Variants in INTU observed in about 807,000 individuals in gnomAD.
INTU encodes the protein inturned planar cell polarity protein.
Under a neutral mutation model 100.5 loss-of-function variants are expected in INTU, and 68 were observed. The ratio of observed to expected loss-of-function variants is 0.68; its 90% CI spans 0.56 to 0.83. INTU has a LOEUF of 0.83. INTU is among the 40% of genes least tolerant of loss of function. The pLI, the probability that INTU is intolerant of heterozygous loss-of-function variation, is 0.00. For synonymous variants in INTU, 357 were observed against 395.7 expected (o/e 0.90, Z 1.16); for missense variants, 1,071 against 1,114.7 (o/e 0.96, Z 0.56).
chr4:127,695,420 A>AT (rs571264857), intron 8 of INTU, among the ~76,000 whole-genome samples: 191 of 152,260 alleles, frequency 1.3e-3, no homozygotes, highest in African/African-American at 4.4e-3. Context: ...AGCCTGGCCA[A>AT]CATTGTGAAA....
At chr4:127,668,244 A>C (rs1428476911) in intron 4 of INTU, among the ~76,000 whole-genome samples, 1 of 152,020 alleles carries the variant, frequency 6.6e-6, no homozygotes. Flanking sequence ...CACAGCGCAC[A>C]TCCTGATTTT....
At position 127,709,616 on chromosome 4, in the gene INTU, A is replaced by G. The variant is rs188168946; in HGVS notation, c.2369+948A>G. ...CACGCAGGTCTGCCTGTGCCTTGGCAGGTATTTAATTATGACATCATGTGT... is the reference window on the plus strand; with the variant it reads ...CACGCAGGTCTGCCTGTGCCTTGGCGGGTATTTAATTATGACATCATGTGT... On this transcript the variant is annotated intron_variant, in intron 13 of 15. Transcript: ENST00000335251. Among the ~76,000 whole-genome samples the G allele has an allele frequency of 3.2e-3, 488 of 152,136 alleles. 11 individuals are homozygous for G. Among genetic ancestry groups the G allele is most frequent in the Admixed American group, 0.03 (451 of 15,260 alleles).
chr4:127,715,596 G>A (rs1731239594), intron 15 of INTU, among the ~76,000 whole-genome samples: 1 of 152,180 alleles, frequency 6.6e-6, no homozygotes, highest in South Asian at 2.1e-4. Context: ...TGTAATCAGA[G>A]TTGTACTGCT....
intron 8 of INTU, among the ~76,000 whole-genome samples, chr4:127,695,961 T>C (rs182900149): frequency 9.2e-5 from 14 of 152,338 alleles, no homozygotes; most frequent in East Asian, 5.8e-4. Flanking sequence ...ATGTGATTTT[T>C]TTAAAGCCCA....
At chr4:127,655,648 A>T (rs1368831163) in intron 2 of INTU, among the ~76,000 whole-genome samples, 6 of 150,840 alleles carry the variant, frequency 4.0e-5, no homozygotes, top group Non-Finnish European at 8.9e-5. Flanking sequence ...GGGACATTTA[A>T]GTCTGCAGAG....
intron 6 of INTU, among the ~76,000 whole-genome samples, chr4:127,681,480 C>G (rs1454502836): frequency 6.6e-6 from 1 of 152,104 alleles, no homozygotes; most frequent in Non-Finnish European, 1.5e-5. Context: ...TTTGACAAAC[C>G]TGAGAAAAAC....
At chr4:127,712,505 C>T (rs115756531) in intron 14 of INTU, among the ~76,000 whole-genome samples, 4,138 of 152,202 alleles carry the variant, frequency 0.027, 185 homozygotes, top group African/African-American at 0.094. Flanking sequence ...ATTCTAGGAA[C>T]GTGGGATACA....
intron 6 of INTU, among the ~76,000 whole-genome samples, chr4:127,679,168 C>G (rs912153475): frequency 2.0e-5 from 3 of 151,992 alleles, no homozygotes; most frequent in Admixed American, 1.3e-4. Flanking sequence ...ACTTTAACAC[C>G]CCACTGTCAA....
At chr4:127,682,606 G>T (rs1220052560) in intron 6 of INTU, among the ~76,000 whole-genome samples, 1 of 99,818 alleles carries the variant, frequency 1.0e-5, no homozygotes, top group African/African-American at 4.0e-5. Flanking sequence ...GGGGTGGGGG[G>T]AGGGGGGAGG....
At chr4:127,658,317 C>CGAGATG (rs3066386) in intron 3 of INTU, among the ~76,000 whole-genome samples, 62,626 of 151,100 alleles carry the variant, frequency 0.41, 13,730 homozygotes, top group South Asian at 0.63. Context: ...GAATGGATAG[C>CGAGATG]GAGATGGAGA....
At chr4:127,706,117 A>C (rs1730868595) in intron 11 of INTU, among the ~76,000 whole-genome samples, 1 of 152,130 alleles carries the variant, frequency 6.6e-6, no homozygotes, top group African/African-American at 2.4e-5. Flanking sequence ...GGTTTTATCC[A>C]TTGGCTTGTT....
At chr4:127,714,404 C>A (rs1018161603) in intron 15 of INTU, among the ~76,000 whole-genome samples, 12 of 152,162 alleles carry the variant, frequency 7.9e-5, no homozygotes, top group African/African-American at 2.9e-4. Context: ...ACCATCCTCT[C>A]CCTTTTCTTC....
rs901978753 is a variant in INTU, at chr4:127,684,585, G to A, written c.1259+99G>A. 10 of 645,878 alleles carry A rather than the reference G, an allele frequency of 1.5e-5. No homozygotes were observed. The African/African-American group carries it at 1.9e-4, about 12-fold the overall frequency. The allele number at this position is 645,878 out of a possible 1,614,324, so 40.0% of individuals were successfully genotyped here. On this transcript the variant is annotated intron_variant, in intron 7 of 15. Transcript: ENST00000335251. ...TTCTTGCTTGACAGGTTAGTTATTT[G>A]TCTCTTTTCTCCTCCCTCCCCTCTT...
intron 14 of INTU, among the ~76,000 whole-genome samples, chr4:127,711,587 G>A (rs1033743128): frequency 2.0e-5 from 3 of 152,194 alleles, no homozygotes; most frequent in African/African-American, 7.2e-5. Context: ...CACAGCAGGA[G>A]GTGAGTGGCG....
chr4:127,696,599 A>T (rs551314517), intron 8 of INTU, among the ~76,000 whole-genome samples: 2 of 148,674 alleles, frequency 1.3e-5, no homozygotes, highest in South Asian at 4.4e-4. Context: ...AGAAGCTTAT[A>T]CGTTTTATTG....
chr4:127,712,272 AT>A (rs998460575), intron 14 of INTU, among the ~76,000 whole-genome samples: 3 of 151,302 alleles, frequency 2.0e-5, no homozygotes, highest in Admixed American at 6.6e-5. Context: ...GTCTTGTAGG[AT>A]TTTTTTTTGA....
chr4:127,697,562 G>A (rs1286318577), intron 8 of INTU, among the ~76,000 whole-genome samples: 1 of 152,056 alleles, frequency 6.6e-6, no homozygotes, highest in African/African-American at 2.4e-5. Flanking sequence ...TCATGTGGTA[G>A]TTGTCTTTCT....
intron 1 of INTU, among the ~76,000 whole-genome samples, chr4:127,637,741 A>G (rs1037247037): frequency 2.0e-5 from 3 of 152,194 alleles, no homozygotes; most frequent in Admixed American, 6.6e-5. Context: ...TTGTTGATGT[A>G]TGACTTTTGT....
chr4:127,715,372 C>G (rs1195725060), intron 15 of INTU, among the ~76,000 whole-genome samples: 1 of 152,176 alleles, frequency 6.6e-6, no homozygotes, highest in East Asian at 1.9e-4. Flanking sequence ...GTATGACAGA[C>G]ACTTTACAGA....
Sources: allele counts gnomAD v4.1 joint callset (sites outside exome capture counted in the v4.1 genomes callset), GRCh38; gene constraint gnomAD v4.1.1; transcripts MANE v1.5; gene names NCBI Gene and HGNC (gene_info 2026-07-23, HGNC 2026-07-21).